Variants in CACNA1C observed in about 807,000 individuals in gnomAD.
CACNA1C encodes the protein calcium voltage-gated channel subunit alpha1 C.
Under a neutral mutation model 229.0 loss-of-function variants are expected in CACNA1C, and 30 were observed. The observed-to-expected ratio is 0.13, with a 90% confidence interval of 0.10 to 0.18. CACNA1C has a LOEUF of 0.18. Among genes scored for constraint, CACNA1C ranks in the 10% least tolerant of loss-of-function variants. The pLI is 1.00. For synonymous variants in CACNA1C, 1,114 were observed against 1,132.5 expected, an observed-to-expected ratio of 0.98 and a Z score of 0.33; for missense variants, 1,658 against 2,845.0, an observed-to-expected ratio of 0.58 and a Z score of 9.49.
chr12:2,354,336 C>T lies in CACNA1C; in HGVS notation c.478-94640C>T, dbSNP rs953398508. On this transcript the variant is annotated intron_variant, in intron 3 of 46. Coordinates refer to ENST00000399655, the MANE Select transcript of CACNA1C (RefSeq NM_000719.7). The surrounding 1 kb of genome is among the most constrained non-coding windows in gnomAD (Gnocchi z 4.6). Reference sequence around the variant, plus strand: ...GCCACGCACACAGCTTGTGTTTCCTCTGGCGCCTCTAGGTCGCTCTGCAGC... The same window carrying T: ...GCCACGCACACAGCTTGTGTTTCCTTTGGCGCCTCTAGGTCGCTCTGCAGC... Among the ~76,000 whole-genome samples, 1 of 152,168 alleles carries T rather than the reference C, an allele frequency of 6.6e-6. No homozygotes were observed. Among genetic ancestry groups the T allele is most frequent in the Non-Finnish European group, 1.5e-5 (1 of 68,042 alleles).
rs1001192084 is a variant in CACNA1C, at chr12:2,678,605, A to G, written c.5091+738A>G. Among the ~76,000 whole-genome samples the G allele has an allele frequency of 2.0e-5, 3 of 152,194 alleles. No individual in the cohort carries two copies. The highest frequency in any genetic ancestry group is 4.4e-5 in the Non-Finnish European group (3 of 68,030). Reference sequence around the variant, plus strand: ...ACCGCTCTCTCCCGGCCGCGGGCCCAGTTCCCAGGCTGTGGAACACACAGG... The same window carrying G: ...ACCGCTCTCTCCCGGCCGCGGGCCCGGTTCCCAGGCTGTGGAACACACAGG... On this transcript the variant is annotated intron_variant, in intron 41 of 46. Coordinates refer to ENST00000399655, the MANE Select transcript of CACNA1C (RefSeq NM_000719.7). The surrounding 1 kb of genome is among the most constrained non-coding windows in gnomAD (Gnocchi z 4.1).
intron 26 of CACNA1C, 182 bp downstream of exon 26, chr12:2,607,312 A>T: frequency 1.7e-6 from 1 of 571,716 alleles, no homozygotes; most frequent in Non-Finnish European, 2.9e-6. Context: ...GCTGAAACCG[A>T]CTCTTCTTTC....
intron 29 of CACNA1C, among the ~76,000 whole-genome samples, chr12:2,620,406 C>T (rs1395623262): frequency 6.6e-6 from 1 of 152,202 alleles, no homozygotes; most frequent in East Asian, 1.9e-4. Flanking sequence ...TGTTGCTATG[C>T]GCTTAGTGAG....
intron 3 of CACNA1C, among the ~76,000 whole-genome samples, chr12:2,177,032 T>C (rs554944133): frequency 1.3e-5 from 2 of 152,352 alleles, no homozygotes; most frequent in African/African-American, 4.8e-5. Flanking sequence ...AGGTGTCTGA[T>C]GGCATAAGGT....
intron 43 of CACNA1C, among the ~76,000 whole-genome samples, chr12:2,685,151 C>T (rs547267196): frequency 6.6e-6 from 1 of 152,230 alleles, no homozygotes; most frequent in Admixed American, 6.5e-5. Flanking sequence ...TGATGAGAAG[C>T]TGTCAAATCT....
intron 5 of CACNA1C, among the ~76,000 whole-genome samples, chr12:2,461,950 C>T (rs1361981208): frequency 6.6e-6 from 1 of 152,172 alleles, no homozygotes; most frequent in Non-Finnish European, 1.5e-5. Context: ...TCTGAACAGC[C>T]AAGTCGGATC....
intron 1 of CACNA1C, among the ~76,000 whole-genome samples, chr12:1,988,516 G>T (rs1352866327): frequency 6.6e-6 from 1 of 152,180 alleles, no homozygotes; most frequent in Non-Finnish European, 1.5e-5. Flanking sequence ...CCTCTGTGAG[G>T]AGGCAACGCT....
At chr12:2,039,308 C>A (rs941249210) in intron 1 of CACNA1C, among the ~76,000 whole-genome samples, 1 of 152,124 alleles carries the variant, frequency 6.6e-6, no homozygotes, top group Admixed American at 6.6e-5. Context: ...TCAAGAGCAG[C>A]CTTTCATGTA....
At chr12:2,390,061 T>C (rs1402499628) in intron 3 of CACNA1C, among the ~76,000 whole-genome samples, 4 of 152,232 alleles carry the variant, frequency 2.6e-5, no homozygotes, top group Non-Finnish European at 5.9e-5. Context: ...TGAATAGAAG[T>C]TGAGGGGTTA....
Position 2,691,977 on chromosome 12 carries a change from A to T in CACNA1C, c.*778A>T, listed in dbSNP as rs1015419073. The T allele has an allele frequency of 6.6e-6, 1 of 151,824 alleles. No individual in the cohort carries two copies. The highest frequency in any genetic ancestry group is 1.5e-5 in the Non-Finnish European group (1 of 67,948). The allele number at this position is 151,824 out of a possible 1,614,324, so 9.4% of individuals were successfully genotyped here. On this transcript the variant is annotated 3_prime_UTR_variant, in exon 47 of 47. Coordinates refer to ENST00000399655, the MANE Select transcript of CACNA1C (RefSeq NM_000719.7). The stretch of plus-strand genomic sequence containing the variant: ...GGTTTTGGTTTTTTTTAAATGTTTT[A>T]TTTTGCTTTCCCAGCGGGAGGGGAG...
At chr12:2,153,530 A>T (rs1597455135) in intron 3 of CACNA1C, among the ~76,000 whole-genome samples, 1 of 152,054 alleles carries the variant, frequency 6.6e-6, no homozygotes, top group East Asian at 1.9e-4. Context: ...TATGAATTTG[A>T]CCACTCTGGG....
At chr12:2,115,104 C>T (rs1192664403) in intron 1 of CACNA1C, 120 bp from the exon 2 acceptor site, 2 of 774,222 alleles carry the variant, frequency 2.6e-6, no homozygotes, top group Non-Finnish European at 4.0e-6. Flanking sequence ...CACCTCCTAA[C>T]CGCCTGCAAT....
In CACNA1C at chr12:2,493,706, C is replaced by T. The variant is rs558617636; in HGVS notation, c.1113+320C>T. On this transcript the variant is annotated intron_variant, in intron 7 of 46. Transcript: ENST00000399655. The surrounding 1 kb of genome is among the most constrained non-coding windows in gnomAD (Gnocchi z 4.6). ...GCACAAGGGTTCCGTTCAACTCCTC[C>T]TCCCATGCAGAGTTCCTTCTGCCCT... Among the ~76,000 whole-genome samples, 4 of 152,186 alleles carry T rather than the reference C, an allele frequency of 2.6e-5. No homozygotes were observed. Among genetic ancestry groups the T allele is most frequent in the African/African-American group, 9.7e-5 (4 of 41,446 alleles).
At chr12:2,527,506 G>A (rs2099820724) in intron 9 of CACNA1C, among the ~76,000 whole-genome samples, 1 of 152,170 alleles carries the variant, frequency 6.6e-6, no homozygotes, top group African/African-American at 2.4e-5. Flanking sequence ...TGACTCATGA[G>A]ATATGATAAT....
chr12:2,450,572 A>G (rs951631637), intron 4 of CACNA1C, among the ~76,000 whole-genome samples: 1 of 150,484 alleles, frequency 6.6e-6, no homozygotes, highest in Non-Finnish European at 1.5e-5. Context: ...AAAAAAAAAA[A>G]AAAAAACGCA....
rs780671547 is a variant in CACNA1C, at chr12:1,971,413, T to G, written c.139+212T>G. Reference sequence around the variant, plus strand: ...TTGGAAATTCTCAATTGAAAAAAAGTGATGTTTGAGGCAACAGGCAATGCA... The same window carrying G: ...TTGGAAATTCTCAATTGAAAAAAAGGGATGTTTGAGGCAACAGGCAATGCA... On this transcript the variant is annotated intron_variant, in intron 1 of 46. Transcript: ENST00000682462. This position sits in a 1 kb window ranked among gnomAD's most constrained non-coding sequence, Gnocchi z 4.2. Among the ~76,000 whole-genome samples, 3 of 152,184 alleles carry G rather than the reference T, an allele frequency of 2.0e-5. No individual in the cohort carries two copies. The highest frequency in any genetic ancestry group is 6.5e-5 in the Admixed American group (1 of 15,274).
chr12:2,382,524 C>T (rs1293409361), intron 3 of CACNA1C, among the ~76,000 whole-genome samples: 3 of 152,180 alleles, frequency 2.0e-5, no homozygotes, highest in African/African-American at 7.2e-5. Context: ...AGCTTACAGA[C>T]TTCTCTAAAT....
In CACNA1C at chr12:2,602,153, G is replaced by A. The variant is rs372365650; in HGVS notation, c.2960+193G>A. 6.6e-6 allele frequency among the ~76,000 whole-genome samples: 1 copy of A among 152,232 alleles called. No homozygotes were observed. The highest frequency in any genetic ancestry group is 1.5e-5 in the Non-Finnish European group (1 of 68,038). On this transcript the variant is annotated intron_variant, in intron 22 of 46. Transcript: ENST00000399655. The surrounding 1 kb of genome is among the most constrained non-coding windows in gnomAD (Gnocchi z 4.4). ...CTCAGTGGTCTGATACTTGGGGCAC[G>A]TTGATCAGGTGAGAATATGTTTAAT...
intron 3 of CACNA1C, among the ~76,000 whole-genome samples, chr12:2,194,328 TC>T (rs1410194318): frequency 2.0e-5 from 3 of 149,488 alleles, no homozygotes; most frequent in Non-Finnish European, 4.5e-5. Flanking sequence ...CCGTTCCTCC[TC>T]CTCTGTGCTC....
Sources: allele counts gnomAD v4.1 joint callset (sites outside exome capture counted in the v4.1 genomes callset), GRCh38; gene constraint gnomAD v4.1.1; non-coding constraint Gnocchi (gnomAD v3.1); transcripts MANE v1.5; gene names NCBI Gene and HGNC (gene_info 2026-07-23, HGNC 2026-07-21).